Variants in PCDHGC3 observed in about 807,000 individuals in gnomAD.
PCDHGC3 encodes the protein protocadherin gamma-C3.
PCDHGC3 carries 26 observed loss-of-function variants against 59.2 expected under a neutral mutation model. The ratio of observed to expected loss-of-function variants is 0.44; its 90% CI spans 0.32 to 0.61. PCDHGC3 has a LOEUF of 0.61. PCDHGC3 is among the 20% of genes least tolerant of loss of function. PCDHGC3 has a pLI of 0.05. For synonymous variants in PCDHGC3, 487 were observed against 519.7 expected (o/e 0.94, Z 0.86); for missense variants, 1,080 against 1,221.8 (o/e 0.88, Z 1.73).
Position 141,489,273 on chromosome 5 carries a change from G to GA in PCDHGC3, c.2431-5531dup. The GA allele has an allele frequency of 6.4e-7, 1 of 1,555,870 alleles. No individual in the cohort carries two copies. The highest frequency in any genetic ancestry group is 2.2e-5 in the East Asian group (1 of 44,466). On this transcript the variant is annotated intron_variant, in intron 1 of 3. Coordinates refer to ENST00000308177, the MANE Select transcript of PCDHGC3 (RefSeq NM_002588.4). The surrounding 1 kb of genome is among the most constrained non-coding windows in gnomAD (Gnocchi z 4.5). ...CCAAGACACTCCCACAGCTCGCTGG[G>GA]AAATGGCAAGTGCTGTGCATGTTGT...
intron 2 of PCDHGC3, among the ~76,000 whole-genome samples, chr5:141,501,061 G>T (rs746369272): frequency 1.5e-4 from 23 of 152,118 alleles, no homozygotes; most frequent in Non-Finnish European, 2.1e-4. Flanking sequence ...TAGAGACGGG[G>T]TTTCACCATG....
Position 141,477,749 on chromosome 5 carries a change from C to T in PCDHGC3, c.1633C>T (p.Pro545Ser). ...LTAHISDGGT[P>S]VLATNISVNI... The stretch of plus-strand genomic sequence containing the variant: ...AGCTCATATCAGCGATGGGGGCACC[C>T]CGGTCCTAGCCACCAACATCAGCGT... The change falls in exon 1 of 4, where the codon CCG (proline) becomes TCG (serine). Residue 545 changes from proline (P) to serine (S), a missense_variant. Transcript: ENST00000308177. The surrounding 1 kb of genome is among the most constrained non-coding windows in gnomAD (Gnocchi z 4.9). 1 of 1,613,904 alleles carries T rather than the reference C, an allele frequency of 6.2e-7. No homozygotes were observed. Among genetic ancestry groups the T allele is most frequent in the Non-Finnish European group, 8.5e-7 (1 of 1,180,030 alleles).
At position 141,498,971 on chromosome 5, in the gene PCDHGC3, G is replaced by GGGAAGGAAGGAA. The variant is rs201769957; in HGVS notation, c.2489+4152_2489+4163dup. On this transcript the variant is annotated intron_variant, in intron 2 of 3. Coordinates refer to ENST00000308177, the MANE Select transcript of PCDHGC3 (RefSeq NM_002588.4). ...AAAAAGAGAGAGAGGGAGGGAGGGA[G>GGGAAGGAAGGAA]GGAAGGAAGGAAGGAAGGAAGGAAG... 6.8e-3 allele frequency among the ~76,000 whole-genome samples: 758 copies of GGGAAGGAAGGAA among 111,036 alleles called. 12 individuals are homozygous for GGGAAGGAAGGAA. Among genetic ancestry groups the GGGAAGGAAGGAA allele is most frequent in the African/African-American group, 0.021 (585 of 27,816 alleles). 72.8% of individuals were successfully genotyped at this position (111,036 alleles called of 152,430 possible). A position where few individuals can be genotyped will look rare whatever the true frequency, so the allele number is the denominator to read the frequency against.
intron 3 of PCDHGC3, among the ~76,000 whole-genome samples, chr5:141,510,272 T>TA (rs546154379): frequency 0.17 from 22,022 of 130,294 alleles, 2,255 homozygotes; most frequent in African/African-American, 0.28. Flanking sequence ...GACTCCATCT[T>TA]AAAAAAAAAA....
intron 1 of PCDHGC3, among the ~76,000 whole-genome samples, chr5:141,494,328 G>T (rs1595238527): frequency 6.6e-6 from 1 of 152,200 alleles, no homozygotes; most frequent in Non-Finnish European, 1.5e-5. Flanking sequence ...CACCAAAAGG[G>T]TTACCAAGAA....
chr5:141,491,148 G>A lies in PCDHGC3; in HGVS notation c.2431-3659G>A. The A allele has an allele frequency of 6.8e-6, 11 of 1,614,140 alleles. No homozygotes were observed. The highest frequency in any genetic ancestry group is 9.3e-6 in the Non-Finnish European group (11 of 1,179,990). The stretch of plus-strand genomic sequence containing the variant: ...TGCGCACAGCCCGGGCCTTACTGGA[G>A]GATGACTCTGACACCCAGCAGGTGG... On this transcript the variant is annotated intron_variant, in intron 1 of 3. Transcript: ENST00000308177. The surrounding 1 kb of genome is among the most constrained non-coding windows in gnomAD (Gnocchi z 6.9).
chr5:141,494,784 C>T, intron 1 of PCDHGC3, 23 bp from the exon 2 acceptor site: 1 of 1,614,110 alleles, frequency 6.2e-7, no homozygotes, highest in Non-Finnish European at 8.5e-7. Flanking sequence ...TACTCAGCCC[C>T]TTTCCCTCTG....
At chr5:141,482,876 AGCCTG>A (rs2099574018) in intron 1 of PCDHGC3, among the ~76,000 whole-genome samples, 1 of 152,142 alleles carries the variant, frequency 6.6e-6, no homozygotes, top group Admixed American at 6.5e-5. Flanking sequence ...GTTTGAAACC[AGCCTG>A]GCCAACATGG....
chr5:141,489,077 C>G lies in PCDHGC3; in HGVS notation c.2431-5730C>G, dbSNP rs957205894. On this transcript the variant is annotated intron_variant, in intron 1 of 3. Coordinates refer to ENST00000308177, the MANE Select transcript of PCDHGC3 (RefSeq NM_002588.4). The surrounding 1 kb of genome is among the most constrained non-coding windows in gnomAD (Gnocchi z 4.5). The stretch of plus-strand genomic sequence containing the variant: ...AGCTCCCCTCCCCCCTGCCCACCCC[C>G]GCCACTCGGTGACTAAGAACTGCTG... 7 of 325,684 alleles carry G rather than the reference C, an allele frequency of 2.1e-5. No homozygotes were observed. Among genetic ancestry groups the G allele is most frequent in the Non-Finnish European group, 3.9e-5 (7 of 181,468 alleles). The allele number at this position is 325,684 out of a possible 1,614,324, so 20.2% of individuals were successfully genotyped here.
chr5:141,491,871 C>T lies in PCDHGC3; in HGVS notation c.2431-2936C>T, dbSNP rs1222191027. 2.1e-6 allele frequency: 3 copies of T among 1,451,434 alleles called. No individual in the cohort carries two copies. Among genetic ancestry groups the T allele is most frequent in the Non-Finnish European group, 2.7e-6 (3 of 1,098,418 alleles). 89.9% of individuals were successfully genotyped at this position (1,451,434 alleles called of 1,614,324 possible). ...ACCGTTTGCGCGAAACCAGAGTGGC[C>T]GATTAAGGGATGGGGCTCCGAGCAC... On this transcript the variant is annotated intron_variant, in intron 1 of 3. Transcript: ENST00000308177. The surrounding 1 kb of genome is among the most constrained non-coding windows in gnomAD (Gnocchi z 6.9).
chr5:141,492,471 C>T (rs937691695), intron 1 of PCDHGC3, among the ~76,000 whole-genome samples: 8 of 152,240 alleles, frequency 5.3e-5, no homozygotes, highest in Non-Finnish European at 1.0e-4. Flanking sequence ...GGTCCCAGAT[C>T]GCGGCCGCCC....
chr5:141,490,050 C>T lies in PCDHGC3; in HGVS notation c.2431-4757C>T, dbSNP rs1400735375. On this transcript the variant is annotated intron_variant, in intron 1 of 3. Transcript: ENST00000308177. This position sits in a 1 kb window ranked among gnomAD's most constrained non-coding sequence, Gnocchi z 5.4. ...TCCGCCTCAATGCCACTGATCCAGA[C>T]GAGGGCACCAACGGCCAACTAGACT... The T allele has an allele frequency of 1.2e-6, 2 of 1,614,224 alleles. No individual in the cohort carries two copies. The highest frequency in any genetic ancestry group is 1.7e-6 in the Non-Finnish European group (2 of 1,180,022).
rs769153122 is a variant in PCDHGC3 at position 141,485,243 on chromosome 5, C to T, written c.2430+6697C>T. 8 of 1,614,062 alleles carry T rather than the reference C, an allele frequency of 5.0e-6. No homozygotes were observed. In the Admixed American group the frequency reaches 1.2e-4, roughly 24 times the overall value. ...TACCCTTTTGTTCCTCTTTTACCACCTGGGTTACGTTTGTGGGCAGATCCG... is the reference window on the plus strand; with the variant it reads ...TACCCTTTTGTTCCTCTTTTACCACTTGGGTTACGTTTGTGGGCAGATCCG... On this transcript the variant is annotated intron_variant, in intron 1 of 3. Transcript: ENST00000308177. The surrounding 1 kb of genome is among the most constrained non-coding windows in gnomAD (Gnocchi z 5.7).
At position 141,511,271 on chromosome 5, in the gene PCDHGC3, C is replaced by T. The variant is rs371445452; in HGVS notation, c.*98C>T. ...GCCTCAGAGTTTCAGGGCTAACCCC[C>T]AGAATACTGGTAGGGGCCAAGGCCA... On this transcript the variant is annotated 3_prime_UTR_variant, in exon 4 of 4. Transcript: ENST00000308177. 9.1e-6 allele frequency: 14 copies of T among 1,544,094 alleles called. No individual in the cohort carries two copies. In the African/African-American group the frequency reaches 1.6e-4, roughly 18 times the overall value.
chr5:141,509,864 A>G (rs2099878667), intron 3 of PCDHGC3, among the ~76,000 whole-genome samples: 1 of 152,262 alleles, frequency 6.6e-6, no homozygotes, highest in East Asian at 1.9e-4. Context: ...GATAAGGTCC[A>G]AGCTGCTGGT....
chr5:141,480,102 T>C (rs568342271), intron 1 of PCDHGC3, among the ~76,000 whole-genome samples: 1 of 152,320 alleles, frequency 6.6e-6, no homozygotes, highest in South Asian at 2.1e-4. Flanking sequence ...GCAAAGTGTT[T>C]AGCATGGTGC....
Position 141,481,350 on chromosome 5 carries a change from T to C in PCDHGC3, c.2430+2804T>C, listed in dbSNP as rs901892475. Among the ~76,000 whole-genome samples, 4 of 152,248 alleles carry C rather than the reference T, an allele frequency of 2.6e-5. No homozygotes were observed. The South Asian group carries it at 8.3e-4, about 32-fold the overall frequency. On this transcript the variant is annotated intron_variant, in intron 1 of 3. Coordinates refer to ENST00000308177, the MANE Select transcript of PCDHGC3 (RefSeq NM_002588.4). The stretch of plus-strand genomic sequence containing the variant: ...CCTGGACAACTATTATTTAAACATC[T>C]ACAGCTGTTCAATAGATATTGGGTT...
intron 3 of PCDHGC3, among the ~76,000 whole-genome samples, chr5:141,506,381 G>A (rs750584158): frequency 2.0e-5 from 3 of 151,216 alleles, no homozygotes; most frequent in Non-Finnish European, 4.4e-5. Context: ...CCTGGGAGGT[G>A]GCTGTGGTGA....
At position 141,487,943 on chromosome 5, in the gene PCDHGC3, A is replaced by C. The variant is rs2099669443; in HGVS notation, c.2431-6864A>C. ...TACAGTGCACAGGGTACAGTGCACCAGGCAGTCACTTGGACAAAGGTGGCT... is the reference window on the plus strand; with the variant it reads ...TACAGTGCACAGGGTACAGTGCACCCGGCAGTCACTTGGACAAAGGTGGCT... On this transcript the variant is annotated intron_variant, in intron 1 of 3. Coordinates refer to ENST00000308177, the MANE Select transcript of PCDHGC3 (RefSeq NM_002588.4). The surrounding 1 kb of genome is among the most constrained non-coding windows in gnomAD (Gnocchi z 5.0). Among the ~76,000 whole-genome samples, 1 of 152,220 alleles carries C rather than the reference A, an allele frequency of 6.6e-6. No homozygotes were observed.
Sources: gnomAD v4.1 joint callset for allele counts (sites outside exome capture counted in the v4.1 genomes callset) on GRCh38, gnomAD v4.1.1 for gene constraint, Gnocchi (gnomAD v3.1) non-coding constraint, MANE v1.5 for transcripts, NCBI Gene and HGNC (gene_info 2026-07-23, HGNC 2026-07-21) for gene names.